Variants in EPHA3 observed in about 807,000 individuals in gnomAD.
The protein encoded by EPHA3 is ephrin type-A receptor 3.
EPHA3 carries 42 observed loss-of-function variants against 107.1 expected under a neutral mutation model. The ratio of observed to expected loss-of-function variants is 0.39; its 90% CI spans 0.31 to 0.51. EPHA3 has a LOEUF of 0.51. Among genes scored for constraint, EPHA3 ranks in the 20% least tolerant of loss-of-function variants. The pLI, the probability that EPHA3 is intolerant of heterozygous loss-of-function variation, is 0.78. For missense variants in EPHA3, 1,183 were observed against 1,211.2 expected, an observed-to-expected ratio of 0.98 and a Z score of 0.35; for synonymous variants, 461 against 424.8, an observed-to-expected ratio of 1.09 and a Z score of -1.05.
At chr3:89,283,840 A>G (rs1040467233) in intron 3 of EPHA3, among the ~76,000 whole-genome samples, 2 of 152,144 alleles carry the variant, frequency 1.3e-5, no homozygotes, top group Non-Finnish European at 2.9e-5. Flanking sequence ...AACAAAGAAA[A>G]TAATTATAAT....
chr3:89,219,688 G>GT lies in EPHA3; in HGVS notation c.814+9182dup, dbSNP rs1553666928. Reference sequence around the variant, plus strand: ...TTACCTCCAAGAGGCATTTGGCAATGTTTTTTTTTTTTTTGTTTTTTGTTT... The same window carrying GT: ...TTACCTCCAAGAGGCATTTGGCAATGTTTTTTTTTTTTTTTGTTTTTTGTTT... On this transcript the variant is annotated intron_variant, in intron 3 of 16. Coordinates refer to ENST00000336596, the MANE Select transcript of EPHA3 (RefSeq NM_005233.6). Among the ~76,000 whole-genome samples, 297 of 34,414 alleles carry GT rather than the reference G, an allele frequency of 8.6e-3. 45 individuals carry two copies. The highest frequency in any genetic ancestry group is 0.019 in the African/African-American group (153 of 8,238). 22.6% of individuals were successfully genotyped at this position (34,414 alleles called of 152,430 possible).
chr3:89,253,314 A>T (rs1369479038), intron 3 of EPHA3, among the ~76,000 whole-genome samples: 1 of 152,094 alleles, frequency 6.6e-6, no homozygotes, highest in Non-Finnish European at 1.5e-5. Context: ...GAAACTCTTG[A>T]GATTTTCTTT....
chr3:89,389,743 A>AAGTGTAAT (rs750398478), intron 5 of EPHA3, among the ~76,000 whole-genome samples: 5 of 152,234 alleles, frequency 3.3e-5, no homozygotes, highest in Non-Finnish European at 5.9e-5. Flanking sequence ...CACATGTATC[A>AAGTGTAAT]AGTGTAATTC....
intron 2 of EPHA3, among the ~76,000 whole-genome samples, chr3:89,148,545 C>T (rs1407190031): frequency 6.6e-6 from 1 of 151,828 alleles, no homozygotes; most frequent in Non-Finnish European, 1.5e-5. Flanking sequence ...ATTTAGTTTT[C>T]TCTAGGTTTT....
intron 3 of EPHA3, among the ~76,000 whole-genome samples, chr3:89,303,476 G>A (rs1210793478): frequency 2.7e-5 from 4 of 147,332 alleles, no homozygotes; most frequent in Non-Finnish European, 3.0e-5. Flanking sequence ...AGAAAATAAA[G>A]GAGGAAGGAG....
intron 3 of EPHA3, among the ~76,000 whole-genome samples, chr3:89,266,893 T>G (rs763445318): frequency 4.6e-5 from 7 of 152,084 alleles, no homozygotes; most frequent in Non-Finnish European, 8.8e-5. Context: ...CAAATACAAT[T>G]TTCTTCAGAA....
chr3:89,300,469 A>T (rs1706457806), intron 3 of EPHA3, among the ~76,000 whole-genome samples: 1 of 152,076 alleles, frequency 6.6e-6, no homozygotes, highest in Non-Finnish European at 1.5e-5. Flanking sequence ...ATACAAATAA[A>T]CACACAAACA....
At chr3:89,383,500 G>T (rs1453121168) in intron 5 of EPHA3, among the ~76,000 whole-genome samples, 1 of 151,988 alleles carries the variant, frequency 6.6e-6, no homozygotes, top group Non-Finnish European at 1.5e-5. Flanking sequence ...GCATCCACCT[G>T]CCCTGTGCTG....
chr3:89,245,120 A>G (rs535027005), intron 3 of EPHA3, among the ~76,000 whole-genome samples: 2 of 152,348 alleles, frequency 1.3e-5, no homozygotes, highest in Middle Eastern at 3.4e-3. Flanking sequence ...TTAAAGATAA[A>G]TAGCACAGAT....
intron 5 of EPHA3, among the ~76,000 whole-genome samples, chr3:89,351,245 A>T (rs1273075213): frequency 2.0e-5 from 3 of 151,048 alleles, no homozygotes; most frequent in Non-Finnish European, 4.4e-5. Context: ...TTGATCTCAG[A>T]CTGCTGTGCT....
chr3:89,254,826 C>T lies in EPHA3; in HGVS notation c.814+44306C>T, dbSNP rs1705243586. Among the ~76,000 whole-genome samples the T allele has an allele frequency of 2.6e-5, 4 of 152,284 alleles. No homozygotes were observed. In the South Asian group the frequency reaches 6.2e-4, roughly 24 times the overall value. ...CAAGAGAGCTGGAAGCTTCAGTGCC[C>T]ATCAGAACTGGCAAGACATCTCATT... On this transcript the variant is annotated intron_variant, in intron 3 of 16. Coordinates refer to ENST00000336596, the MANE Select transcript of EPHA3 (RefSeq NM_005233.6).
intron 2 of EPHA3, among the ~76,000 whole-genome samples, chr3:89,194,824 T>C (rs535301065): frequency 6.6e-6 from 1 of 152,200 alleles, no homozygotes; most frequent in South Asian, 2.1e-4. Context: ...CCTTGTTCTA[T>C]TCTCACCTCT....
At chr3:89,384,823 T>G (rs1227338679) in intron 5 of EPHA3, among the ~76,000 whole-genome samples, 2 of 152,130 alleles carry the variant, frequency 1.3e-5, no homozygotes, top group African/African-American at 2.4e-5. Context: ...TTTAGATGAA[T>G]AACCATCATT....
chr3:89,184,638 A>G (rs1705519814), intron 2 of EPHA3, among the ~76,000 whole-genome samples: 1 of 152,046 alleles, frequency 6.6e-6, no homozygotes, highest in Admixed American at 6.6e-5. Flanking sequence ...AAAATCAATG[A>G]AAGATACTGT....
At chr3:89,296,567 G>A (rs1229738000) in intron 3 of EPHA3, among the ~76,000 whole-genome samples, 1 of 152,150 alleles carries the variant, frequency 6.6e-6, no homozygotes, top group Admixed American at 6.6e-5. Flanking sequence ...AGGCTTTGTT[G>A]TTCCATTTGT....
At chr3:89,455,636 G>A (rs2107560783) in intron 15 of EPHA3, among the ~76,000 whole-genome samples, 1 of 152,256 alleles carries the variant, frequency 6.6e-6, no homozygotes, top group Non-Finnish European at 1.5e-5. Flanking sequence ...TTCGACTTGT[G>A]CCACCTTCAT....
intron 2 of EPHA3, among the ~76,000 whole-genome samples, chr3:89,197,812 C>T (rs1436821820): frequency 2.0e-5 from 3 of 151,798 alleles, no homozygotes; most frequent in African/African-American, 7.3e-5. Flanking sequence ...CCTCTTTCTA[C>T]CAAAAATTAC....
Position 89,472,601 on chromosome 3 carries a change from T to C in EPHA3, c.2828T>C (p.Ile943Thr). ...TGVEYSSCDTIAKISTDDMKK... is the reference protein window; with the variant it reads ...TGVEYSSCDTTAKISTDDMKK... ...GTGGAGTACAGTTCTTGTGACACAA[T>C]AGCCAAGATTTCCACAGAGTAAGAA... Residue 943 changes from isoleucine (I) to threonine (T), a missense_variant, in exon 16 of 17, where the codon ATA (isoleucine) becomes ACA (threonine). Transcript: ENST00000336596. 1 of 1,611,586 alleles carries C rather than the reference T, an allele frequency of 6.2e-7. No homozygotes were observed. Among genetic ancestry groups the C allele is most frequent in the Non-Finnish European group, 8.5e-7 (1 of 1,178,832 alleles).
chr3:89,452,046 A>T (rs1201701212), intron 15 of EPHA3, among the ~76,000 whole-genome samples: 1 of 152,132 alleles, frequency 6.6e-6, no homozygotes, highest in Non-Finnish European at 1.5e-5. Context: ...ATGCCCCTGA[A>T]ATCCACAGGG....
Sources: gnomAD v4.1 joint callset for allele counts (sites outside exome capture counted in the v4.1 genomes callset) on GRCh38, gnomAD v4.1.1 for gene constraint, MANE v1.5 for transcripts, NCBI Gene and HGNC (gene_info 2026-07-23, HGNC 2026-07-21) for gene names.